The following RNLS variants were observed in gnomAD, a reference collection of about 807,000 sequenced individuals.
RNLS encodes the protein renalase.
Under a neutral mutation model 39.8 loss-of-function variants are expected in RNLS, and 39 were observed. That is an observed-to-expected ratio of 0.98 (90% CI 0.76 to 1.28). RNLS has a LOEUF of 1.28. Among genes scored for constraint, RNLS ranks in the 50% most tolerant of loss-of-function variants. RNLS has a pLI of 0.00. For synonymous variants in RNLS, 147 were observed against 150.7 expected, an observed-to-expected ratio of 0.98 and a Z score of 0.18; for missense variants, 410 against 413.3, an observed-to-expected ratio of 0.99 and a Z score of 0.07.
chr10:88,526,725 C>T (rs1460731836), intron 4 of RNLS, among the ~76,000 whole-genome samples: 1 of 151,212 alleles, frequency 6.6e-6, no homozygotes, highest in East Asian at 1.9e-4. Flanking sequence ...GGAATCACGC[C>T]ACTGCACTCC....
intron 5 of RNLS, among the ~76,000 whole-genome samples, chr10:88,356,740 A>G (rs918944961): frequency 3.3e-5 from 5 of 152,190 alleles, no homozygotes; most frequent in Admixed American, 1.3e-4. Flanking sequence ...TTGATAAGAT[A>G]TTGAAAACTA....
intron 5 of RNLS, among the ~76,000 whole-genome samples, chr10:88,346,400 C>T (rs1848310803): frequency 6.6e-6 from 1 of 152,048 alleles, no homozygotes; most frequent in Non-Finnish European, 1.5e-5. Flanking sequence ...TCAAGTATTC[C>T]CAGTGTTCTA....
At chr10:88,562,840 T>A (rs552257236) in intron 4 of RNLS, among the ~76,000 whole-genome samples, 26 of 152,062 alleles carry the variant, frequency 1.7e-4, no homozygotes, top group Non-Finnish European at 3.1e-4. Flanking sequence ...TATAAAAGGG[T>A]TAAACTCTCC....
chr10:88,193,628 C>T, the RNLS span, among the ~76,000 whole-genome samples: 1 of 152,160 alleles, frequency 6.6e-6, no homozygotes, highest in Non-Finnish European at 1.5e-5. Flanking sequence ...CCTCCCATGC[C>T]TACCTAGTCT....
intron 4 of RNLS, among the ~76,000 whole-genome samples, chr10:88,425,328 C>T (rs1049831759): frequency 2.0e-5 from 3 of 152,110 alleles, no homozygotes; most frequent in Admixed American, 1.3e-4. Context: ...TTCCCCACTA[C>T]CCCTGCCCCA....
At chr10:88,441,107 T>C (rs948358558) in intron 4 of RNLS, among the ~76,000 whole-genome samples, 1 of 152,250 alleles carries the variant, frequency 6.6e-6, no homozygotes, top group Non-Finnish European at 1.5e-5. Context: ...ATCTTTTCAT[T>C]GGATCGAGTG....
intron 5 of RNLS, among the ~76,000 whole-genome samples, chr10:88,322,036 A>G (rs557012996): frequency 5.3e-4 from 80 of 152,292 alleles, no homozygotes; most frequent in African/African-American, 1.9e-3. Flanking sequence ...GTACACAGAC[A>G]CAAACATTCT....
intron 4 of RNLS, among the ~76,000 whole-genome samples, chr10:88,410,232 AGTTTT>A (rs1853568499): frequency 6.6e-6 from 1 of 152,142 alleles, no homozygotes; most frequent in Admixed American, 6.6e-5. Context: ...AAATATTCAT[AGTTTT>A]ATTATTCAAA....
the RNLS span, among the ~76,000 whole-genome samples, chr10:88,192,567 T>C: frequency 1.3e-5 from 2 of 152,202 alleles, no homozygotes; most frequent in African/African-American, 4.8e-5. Context: ...TGTTTGGAAT[T>C]TTCCACACCT....
At chr10:88,429,958 T>C (rs920486396) in intron 4 of RNLS, among the ~76,000 whole-genome samples, 3 of 151,840 alleles carry the variant, frequency 2.0e-5, no homozygotes, top group Non-Finnish European at 4.4e-5. Context: ...GCTCTCCAAC[T>C]GTGTTCTGTT....
intron 4 of RNLS, among the ~76,000 whole-genome samples, chr10:88,363,011 C>T (rs1177114706): frequency 6.6e-6 from 1 of 152,194 alleles, no homozygotes; most frequent in Non-Finnish European, 1.5e-5. Flanking sequence ...TCTGGTATCC[C>T]AGTCCTTGGA....
intron 4 of RNLS, among the ~76,000 whole-genome samples, chr10:88,439,677 T>C (rs1277577429): frequency 6.6e-6 from 1 of 152,090 alleles, no homozygotes; most frequent in Non-Finnish European, 1.5e-5. Flanking sequence ...AATCCTCAAT[T>C]TACAAATAAG....
chr10:88,475,619 A>C (rs531348225), intron 4 of RNLS, among the ~76,000 whole-genome samples: 1 of 152,208 alleles, frequency 6.6e-6, no homozygotes, highest in East Asian at 1.9e-4. Flanking sequence ...GGTATTTTGC[A>C]ACACAATTAT....
intron 5 of RNLS, among the ~76,000 whole-genome samples, chr10:88,319,287 A>G (rs943106648): frequency 6.6e-6 from 1 of 152,224 alleles, no homozygotes; most frequent in Non-Finnish European, 1.5e-5. Context: ...AGTCCTATCA[A>G]AAGGACAGAA....
chr10:88,211,537 C>G, the RNLS span, among the ~76,000 whole-genome samples: 1 of 152,104 alleles, frequency 6.6e-6, no homozygotes, highest in Non-Finnish European at 1.5e-5. Context: ...GGATGAAGTG[C>G]TATTTAGGCT....
At chr10:88,510,494 T>C (rs1460369068) in intron 4 of RNLS, among the ~76,000 whole-genome samples, 2 of 152,140 alleles carry the variant, frequency 1.3e-5, no homozygotes, top group Non-Finnish European at 2.9e-5. Flanking sequence ...TCAGTAGCAA[T>C]CAATTTATGT....
chr10:88,498,632 T>C (rs1413416341), intron 4 of RNLS, among the ~76,000 whole-genome samples: 1 of 151,306 alleles, frequency 6.6e-6, no homozygotes, highest in African/African-American at 2.4e-5. Flanking sequence ...TGTTACTAAT[T>C]TTGACAATTG....
intron 5 of RNLS, among the ~76,000 whole-genome samples, chr10:88,340,403 C>A (rs1194562214): frequency 6.6e-6 from 1 of 151,460 alleles, no homozygotes; most frequent in East Asian, 1.9e-4. Context: ...GGAGGATAAA[C>A]CTCAGGAGAT....
chr10:88,575,022 T>A (rs528635937), intron 3 of RNLS, among the ~76,000 whole-genome samples: 10 of 151,000 alleles, frequency 6.6e-5, no homozygotes, highest in African/African-American at 2.4e-4. Flanking sequence ...GTGGTATGAG[T>A]GTGTGTTTAA....
Sources: gnomAD v4.1 joint callset for allele counts (sites outside exome capture counted in the v4.1 genomes callset) on GRCh38, gnomAD v4.1.1 for gene constraint, MANE v1.5 for transcripts, NCBI Gene and HGNC (gene_info 2026-07-23, HGNC 2026-07-21) for gene names.